The following SIPA1L1 variants were observed in gnomAD, a reference collection of about 807,000 sequenced individuals.
SIPA1L1 encodes the protein signal-induced proliferation-associated 1-like protein 1.
A neutral mutation model predicts 162.7 loss-of-function variants in SIPA1L1; 26 were observed. The ratio of observed to expected loss-of-function variants is 0.16; its 90% confidence interval spans 0.12 to 0.22. The LOEUF is 0.22. Among genes scored for constraint, SIPA1L1 ranks in the 10% least tolerant of loss-of-function variants. The pLI is 1.00. For missense variants in SIPA1L1, 1,874 were observed against 2,241.0 expected, an observed-to-expected ratio of 0.84 and a Z score of 3.31; for synonymous variants, 829 against 837.4, an observed-to-expected ratio of 0.99 and a Z score of 0.17.
chr14:71,343,314 C>T (rs890490840), intron 2 of SIPA1L1, among the ~76,000 whole-genome samples: 1 of 152,294 alleles, frequency 6.6e-6, no homozygotes, highest in African/African-American at 2.4e-5. Context: ...TCAGCAAATA[C>T]TTTTTGAGCT....
chr14:71,475,152 A>C (rs1595659570), intron 2 of SIPA1L1, among the ~76,000 whole-genome samples: 1 of 152,234 alleles, frequency 6.6e-6, no homozygotes, highest in Non-Finnish European at 1.5e-5. Context: ...TAACCAGGTG[A>C]TTATTTTTAA....
intron 2 of SIPA1L1, among the ~76,000 whole-genome samples, chr14:71,387,053 G>A (rs1282343243): frequency 9.2e-5 from 14 of 151,882 alleles, no homozygotes; most frequent in East Asian, 1.9e-4. Context: ...GTTCGAGACC[G>A]GCCTGACCAA....
chr14:71,431,295 C>T (rs2043967980), intron 2 of SIPA1L1, among the ~76,000 whole-genome samples: 3 of 152,088 alleles, frequency 2.0e-5, no homozygotes, highest in Non-Finnish European at 4.4e-5. Flanking sequence ...GTGCTTTCTT[C>T]CACACTATGA....
intron 4 of SIPA1L1, among the ~76,000 whole-genome samples, chr14:71,580,520 C>A (rs541117628): frequency 3.9e-5 from 6 of 152,166 alleles, no homozygotes; most frequent in Non-Finnish European, 8.8e-5. Context: ...GAGATATAAG[C>A]AATTGTGTTA....
intron 2 of SIPA1L1, among the ~76,000 whole-genome samples, chr14:71,427,148 A>G (rs2043626621): frequency 6.6e-6 from 1 of 151,644 alleles, no homozygotes; most frequent in South Asian, 2.1e-4. Context: ...GCTGCAAGTT[A>G]CTTTTTAGTG....
At chr14:71,370,945 C>G (rs1221231508) in intron 2 of SIPA1L1, among the ~76,000 whole-genome samples, 1 of 151,936 alleles carries the variant, frequency 6.6e-6, no homozygotes, top group African/African-American at 2.4e-5. Context: ...ATAGAAAGTA[C>G]TTATAATAAA....
chr14:71,442,593 GGGCAAAAT>G (rs1377433078), intron 2 of SIPA1L1, among the ~76,000 whole-genome samples: 1 of 151,804 alleles, frequency 6.6e-6, no homozygotes. Flanking sequence ...TTTTCTGATA[GGGCAAAAT>G]AGGAAAATAG....
intron 13 of SIPA1L1, among the ~76,000 whole-genome samples, chr14:71,691,472 T>C (rs1210677842): frequency 6.6e-6 from 1 of 152,114 alleles, no homozygotes; most frequent in African/African-American, 2.4e-5. Flanking sequence ...CACATGCCTG[T>C]AGTCTCAGCT....
intron 5 of SIPA1L1, among the ~76,000 whole-genome samples, chr14:71,591,546 C>CTT (rs1259178419): frequency 6.6e-6 from 1 of 152,180 alleles, no homozygotes; most frequent in Non-Finnish European, 1.5e-5. Context: ...TAGTTACTAA[C>CTT]TTGAAGCATG....
intron 12 of SIPA1L1, among the ~76,000 whole-genome samples, chr14:71,677,495 A>T (rs1004012635): frequency 1.3e-5 from 2 of 152,114 alleles, no homozygotes; most frequent in African/African-American, 4.8e-5. Context: ...CCATTTGTCT[A>T]TTTTGGCTTT....
At chr14:71,346,594 A>G (rs1453950274) in intron 2 of SIPA1L1, among the ~76,000 whole-genome samples, 1 of 152,206 alleles carries the variant, frequency 6.6e-6, no homozygotes. Context: ...TGATTGTATG[A>G]TTGCAAGTCA....
intron 7 of SIPA1L1, among the ~76,000 whole-genome samples, chr14:71,629,842 T>C (rs909458626): frequency 5.3e-5 from 8 of 152,234 alleles, no homozygotes; most frequent in South Asian, 2.1e-4. Flanking sequence ...GCAATAAATA[T>C]CTCAAGAATG....
At chr14:71,573,751 T>C in intron 4 of SIPA1L1, 1 of 456,422 alleles carries the variant, frequency 2.2e-6, no homozygotes, top group Non-Finnish European at 4.4e-6. Flanking sequence ...ATCCATTATC[T>C]CTAGCGACAT....
At chr14:71,725,962 A>C (rs1169496848) in intron 19 of SIPA1L1, among the ~76,000 whole-genome samples, 1 of 152,230 alleles carries the variant, frequency 6.6e-6, no homozygotes, top group African/African-American at 2.4e-5. Flanking sequence ...ATCAGAGTGC[A>C]AGAGGCATGG....
chr14:71,391,398 C>T (rs1290902940), intron 2 of SIPA1L1, among the ~76,000 whole-genome samples: 2 of 152,138 alleles, frequency 1.3e-5, no homozygotes, highest in Non-Finnish European at 2.9e-5. Flanking sequence ...AGACACCGCT[C>T]CCGGCCGCAT....
intron 10 of SIPA1L1, 36 bp downstream of exon 10, chr14:71,661,503 G>C: frequency 3.1e-6 from 5 of 1,595,638 alleles, no homozygotes; most frequent in Non-Finnish European, 4.3e-6. Flanking sequence ...CTCTGTGGAT[G>C]TTGGCTGGTT....
chr14:71,354,705 C>A (rs939584033), intron 2 of SIPA1L1, among the ~76,000 whole-genome samples: 2 of 152,040 alleles, frequency 1.3e-5, no homozygotes, highest in Non-Finnish European at 2.9e-5. Context: ...CAGACATTCT[C>A]TATGAAATTT....
intron 2 of SIPA1L1, among the ~76,000 whole-genome samples, chr14:71,454,341 C>T (rs2046038855): frequency 6.6e-6 from 1 of 152,152 alleles, no homozygotes; most frequent in South Asian, 2.1e-4. Context: ...TTGAACAACT[C>T]TCTGTCAACT....
intron 13 of SIPA1L1, among the ~76,000 whole-genome samples, chr14:71,693,447 C>T (rs1326208204): frequency 6.6e-6 from 1 of 151,324 alleles, no homozygotes; most frequent in Non-Finnish European, 1.5e-5. Flanking sequence ...CGCAGTGAGC[C>T]GAGATCACAC....
Sources: gnomAD v4.1 joint callset for allele counts (sites outside exome capture counted in the v4.1 genomes callset) on GRCh38, gnomAD v4.1.1 for gene constraint, MANE v1.5 for transcripts, NCBI Gene and HGNC (gene_info 2026-07-23, HGNC 2026-07-21) for gene names.